Variants in KAT6B observed in about 807,000 individuals in gnomAD.
KAT6B encodes the protein histone acetyltransferase KAT6B.
Under a neutral mutation model 187.5 loss-of-function variants are expected in KAT6B, and 10 were observed. The observed-to-expected ratio is 0.05, with a 90% CI of 0.03 to 0.09. The LOEUF (loss-of-function observed/expected upper bound fraction) is 0.09, where lower values mean the gene tolerates loss of function less well. KAT6B is among the 10% of genes least tolerant of loss of function. The probability of loss-of-function intolerance (pLI) is 1.00; values close to 1 mark genes in which losing one functional copy is unlikely to be tolerated. For missense variants in KAT6B, 1,952 were observed against 2,558.9 expected, an observed-to-expected ratio of 0.76 and a Z score of 5.12; for synonymous variants, 861 against 926.8, an observed-to-expected ratio of 0.93 and a Z score of 1.29.
At chr10:74,861,584 C>T (rs1178230628) in intron 3 of KAT6B, among the ~76,000 whole-genome samples, 1 of 152,162 alleles carries the variant, frequency 6.6e-6, no homozygotes, top group Non-Finnish European at 1.5e-5. Flanking sequence ...TGTGGTAGAG[C>T]TGGAGCCAGG....
intron 3 of KAT6B, among the ~76,000 whole-genome samples, chr10:74,946,980 GA>G (rs199749800): frequency 1.1e-4 from 16 of 149,872 alleles, no homozygotes; most frequent in Non-Finnish European, 1.3e-4. Context: ...TGCCACAATT[GA>G]AAAAAAAACT....
chr10:74,925,271 A>G (rs190335096), intron 3 of KAT6B, among the ~76,000 whole-genome samples: 46 of 152,078 alleles, frequency 3.0e-4, no homozygotes, highest in African/African-American at 8.9e-4. Flanking sequence ...TGAACTCCTG[A>G]CCTCACGTGA....
chr10:74,871,339 C>T (rs1843943532), intron 3 of KAT6B, among the ~76,000 whole-genome samples: 1 of 151,768 alleles, frequency 6.6e-6, no homozygotes, highest in South Asian at 2.1e-4. Flanking sequence ...ATTACAGGCA[C>T]ACACCGTCAT....
intron 3 of KAT6B, among the ~76,000 whole-genome samples, chr10:74,900,008 C>A (rs1215839792): frequency 6.6e-6 from 1 of 152,058 alleles, no homozygotes; most frequent in Non-Finnish European, 1.5e-5. Flanking sequence ...TGTAGAACTT[C>A]AGAAAAAAGA....
chr10:74,863,765 A>G (rs1487198599), intron 3 of KAT6B, among the ~76,000 whole-genome samples: 1 of 152,200 alleles, frequency 6.6e-6, no homozygotes, highest in Non-Finnish European at 1.5e-5. Flanking sequence ...CCCCATCCTT[A>G]TTCCTATGCC....
chr10:74,990,242 G>C lies in KAT6B; in HGVS notation c.2629+1130G>C, dbSNP rs1375020605. 4.9e-5 allele frequency among the ~76,000 whole-genome samples: 7 copies of C among 142,476 alleles called. No individual in the cohort carries two copies. The Admixed American group carries it at 5.0e-4, about 10-fold the overall frequency. 93.5% of individuals were successfully genotyped at this position (142,476 alleles called of 152,430 possible). On this transcript the variant is annotated intron_variant, in intron 13 of 17. Coordinates refer to ENST00000287239, the MANE Select transcript of KAT6B (RefSeq NM_012330.4). The stretch of plus-strand genomic sequence containing the variant: ...AAAAAAAAAAAAAGTCTGTCGCTAG[G>C]AACCAGGTGCTTCTTGATTACCAGA...
intron 4 of KAT6B, among the ~76,000 whole-genome samples, chr10:74,962,531 G>A (rs1268675476): frequency 1.3e-5 from 2 of 152,126 alleles, no homozygotes; most frequent in Admixed American, 6.5e-5. Context: ...AATGTTCAAA[G>A]GGATCCCAAA....
chr10:74,927,462 T>G (rs1564568836), intron 3 of KAT6B, among the ~76,000 whole-genome samples: 1 of 147,494 alleles, frequency 6.8e-6, no homozygotes, highest in Non-Finnish European at 1.5e-5. Context: ...CTTTTTTTTT[T>G]TTTTTTTTTT....
intron 13 of KAT6B, among the ~76,000 whole-genome samples, chr10:75,017,562 C>G (rs1054561148): frequency 1.3e-5 from 2 of 152,134 alleles, no homozygotes; most frequent in Non-Finnish European, 2.9e-5. Context: ...TGCATCGAGC[C>G]CATATCGCAC....
At chr10:74,973,231 A>C (rs1194185600) in intron 7 of KAT6B, among the ~76,000 whole-genome samples, 1 of 152,254 alleles carries the variant, frequency 6.6e-6, no homozygotes, top group Non-Finnish European at 1.5e-5. Flanking sequence ...AGTGGCCTGG[A>C]AATCTACTAT....
chr10:74,879,805 G>A (rs774878174), intron 3 of KAT6B, among the ~76,000 whole-genome samples: 2 of 151,896 alleles, frequency 1.3e-5, no homozygotes, highest in Non-Finnish European at 2.9e-5. Context: ...TTGTCTAAAG[G>A]TAGATCTGGC....
chr10:74,893,379 T>C (rs1156854721), intron 3 of KAT6B, among the ~76,000 whole-genome samples: 1 of 152,156 alleles, frequency 6.6e-6, no homozygotes, highest in Non-Finnish European at 1.5e-5. Flanking sequence ...TTAGACTAAA[T>C]AGACTTTTTA....
chr10:75,030,509 T>C lies in KAT6B; in HGVS notation c.5685T>C (p.Leu1895=). The C allele has an allele frequency of 6.2e-7, 1 of 1,611,202 alleles. No individual in the cohort carries two copies. The highest frequency in any genetic ancestry group is 8.5e-7 in the Non-Finnish European group (1 of 1,177,730). The part of the protein sequence containing the change: ...TPPPMNLPPP[L]LQRNMAASNI... ...CTCCAATGAATCTGCCGCCGCCTCT[T>C]TTGCAACGGAACATGGCTGCATCAA... is the stretch of plus-strand genomic sequence containing the variant. Residue 1895 remains leucine (L), a synonymous_variant, in exon 18 of 18, where the codon CTT becomes CTC. Coordinates refer to ENST00000287239, the MANE Select transcript of KAT6B (RefSeq NM_012330.4). The surrounding 1 kb of genome is among the most constrained non-coding windows in gnomAD (Gnocchi z 4.8).
chr10:74,937,970 C>G lies in KAT6B; in HGVS notation c.622-22000C>G, dbSNP rs577005158. ...CATATCGAAATGGTAAAACATACCC[C>G]AAACATACCCCAGAGTTGAATATGA... On this transcript the variant is annotated intron_variant, in intron 3 of 17. Coordinates refer to ENST00000287239, the MANE Select transcript of KAT6B (RefSeq NM_012330.4). Among the ~76,000 whole-genome samples, 51 of 152,234 alleles carry G rather than the reference C, an allele frequency of 3.4e-4. 1 individual carries two copies. Among genetic ancestry groups the G allele is most frequent in the African/African-American group, 1.2e-3 (48 of 41,534 alleles).
At chr10:74,971,638 C>G (rs1253784648) in intron 6 of KAT6B, among the ~76,000 whole-genome samples, 1 of 151,830 alleles carries the variant, frequency 6.6e-6, no homozygotes, top group Non-Finnish European at 1.5e-5. Flanking sequence ...GGATTTTTAC[C>G]TTTTTCTTCC....
chr10:74,880,853 C>G (rs1470114121), intron 3 of KAT6B, among the ~76,000 whole-genome samples: 2 of 152,016 alleles, frequency 1.3e-5, no homozygotes, highest in Non-Finnish European at 2.9e-5. Context: ...TGGGCTCAAG[C>G]AATCCTCCTG....
intron 13 of KAT6B, among the ~76,000 whole-genome samples, chr10:75,018,488 C>T (rs1308082781): frequency 6.6e-6 from 1 of 152,220 alleles, no homozygotes; most frequent in Non-Finnish European, 1.5e-5. Flanking sequence ...CAGGCCCTGA[C>T]AGGGTGTGTG....
chr10:74,952,915 G>A (rs1055715424), intron 3 of KAT6B, among the ~76,000 whole-genome samples: 3 of 139,954 alleles, frequency 2.1e-5, no homozygotes, highest in African/African-American at 8.0e-5. Context: ...GGCCAGGCTG[G>A]TCTCGAACTC....
At chr10:74,990,527 T>A (rs902179134) in intron 13 of KAT6B, among the ~76,000 whole-genome samples, 3 of 152,194 alleles carry the variant, frequency 2.0e-5, no homozygotes, top group Non-Finnish European at 2.9e-5. Flanking sequence ...AAGAAGAATT[T>A]TGATTATTTT....
Sources: allele counts gnomAD v4.1 joint callset (sites outside exome capture counted in the v4.1 genomes callset), GRCh38; gene constraint gnomAD v4.1.1; non-coding constraint Gnocchi (gnomAD v3.1); transcripts MANE v1.5; gene names NCBI Gene and HGNC (gene_info 2026-07-23, HGNC 2026-07-21).